ARIH1: variants seen among roughly 807,000 people sequenced by gnomAD.
ARIH1 encodes the protein ariadne RBR E3 ubiquitin protein ligase 1.
In ARIH1, 8 loss-of-function variants were observed where a neutral mutation model predicts 85.0. The observed-to-expected ratio is 0.09, with a 90% CI of 0.06 to 0.17. ARIH1 has a LOEUF of 0.17. Ranked by LOEUF, ARIH1 falls within the 10% of genes least tolerant of loss-of-function variation. The pLI is 1.00. For synonymous variants in ARIH1, 238 were observed against 253.6 expected (o/e 0.94, Z 0.59); for missense variants, 311 against 718.1 (o/e 0.43, Z 6.48).
At chr15:72,573,876 G>T (rs940921346) in intron 11 of ARIH1, among the ~76,000 whole-genome samples, 1 of 152,126 alleles carries the variant, frequency 6.6e-6, no homozygotes, top group African/African-American at 2.4e-5. Context: ...AATATCATGA[G>T]ATAACTTGTT....
chr15:72,520,155 AAGG>A (rs1330726234), intron 2 of ARIH1, among the ~76,000 whole-genome samples: 1 of 152,184 alleles, frequency 6.6e-6, no homozygotes, highest in African/African-American at 2.4e-5. Context: ...TTTAAATTAA[AAGG>A]AGGTTTCTGG....
intron 4 of ARIH1, 60 bp downstream of exon 4, chr15:72,555,423 G>A: frequency 8.9e-7 from 1 of 1,124,466 alleles, no homozygotes; most frequent in Non-Finnish European, 1.3e-6. Context: ...TAAGACCCTT[G>A]CACAAATTTG....
chr15:72,575,563 A>C (rs1206767485), intron 11 of ARIH1, among the ~76,000 whole-genome samples: 1 of 151,652 alleles, frequency 6.6e-6, no homozygotes, highest in Non-Finnish European at 1.5e-5. Flanking sequence ...AAAAAAAAAA[A>C]AAAAAAAAAA....
chr15:72,528,820 C>G (rs1250537855), intron 2 of ARIH1, among the ~76,000 whole-genome samples: 1 of 152,084 alleles, frequency 6.6e-6, no homozygotes, highest in Admixed American at 6.5e-5. Flanking sequence ...TCACTGTACT[C>G]TAGCCTGAGT....
In ARIH1 at chr15:72,544,973, C is replaced by T. The variant is rs145634735; in HGVS notation, c.588+9C>T. 73 of 1,561,376 alleles carry T rather than the reference C, an allele frequency of 4.7e-5. No individual in the cohort carries two copies. In the East Asian group the frequency reaches 1.4e-3, roughly 30 times the overall value. On this transcript the variant is annotated intron_variant, in intron 3 of 13. Coordinates refer to ENST00000379887, the MANE Select transcript of ARIH1 (RefSeq NM_005744.5). ...TGAACTACCCTAACTCGGTGAGTAT[C>T]TGGTAGTTTAAGGCTAGTGCTGACT... is the stretch of plus-strand genomic sequence containing the variant.
intron 2 of ARIH1, among the ~76,000 whole-genome samples, chr15:72,540,266 A>C (rs1406353548): frequency 6.6e-6 from 1 of 151,280 alleles, no homozygotes; most frequent in Non-Finnish European, 1.5e-5. Context: ...CTCAAAAAAA[A>C]AAAAAAAAAA....
intron 1 of ARIH1, among the ~76,000 whole-genome samples, chr15:72,504,739 A>G (rs1251667186): frequency 6.6e-6 from 1 of 152,216 alleles, no homozygotes; most frequent in Admixed American, 6.5e-5. Context: ...TTTGGGCCAC[A>G]GGTTTCAGGC....
intron 2 of ARIH1, among the ~76,000 whole-genome samples, chr15:72,525,920 C>G (rs1048416094): frequency 3.3e-5 from 5 of 151,936 alleles, no homozygotes; most frequent in African/African-American, 1.2e-4. Flanking sequence ...GGATTGCAAG[C>G]GTGAGCCACC....
At chr15:72,486,680 A>AT (rs2063838693) in intron 1 of ARIH1, among the ~76,000 whole-genome samples, 1 of 97,838 alleles carries the variant, frequency 1.0e-5, no homozygotes. Flanking sequence ...TTTTTTTTTC[A>AT]TTTTTAAAAA....
rs1203421380 is a variant in ARIH1 at position 72,602,407 on chromosome 15, T to C, written c.*19115T>C. On this transcript the variant is annotated 3_prime_UTR_variant, in exon 14 of 14. Transcript: ENST00000379887. The stretch of plus-strand genomic sequence containing the variant: ...TTTTCCTTGCACAGTTATATTTTCA[T>C]ATGTTAAAGAGCCATTTGTATTTCT... 1 of 152,242 alleles carries C rather than the reference T, an allele frequency of 6.6e-6. No individual in the cohort carries two copies. Among genetic ancestry groups the C allele is most frequent in the African/African-American group, 2.4e-5 (1 of 41,466 alleles). 9.4% of individuals were successfully genotyped at this position (152,242 alleles called of 1,614,324 possible). A position where few individuals can be genotyped will look rare whatever the true frequency, so the allele number is the denominator to read the frequency against.
At chr15:72,512,257 C>T (rs2083131) in intron 1 of ARIH1, among the ~76,000 whole-genome samples, 132,985 of 151,856 alleles carry the variant, frequency 0.88, 60,893 homozygotes, top group East Asian at 1. Flanking sequence ...TTTCCAGTGA[C>T]ACCATTTTTG....
chr15:72,505,068 G>A (rs371205385), intron 1 of ARIH1, among the ~76,000 whole-genome samples: 6 of 152,254 alleles, frequency 3.9e-5, no homozygotes, highest in South Asian at 4.1e-4. Flanking sequence ...GCTCTCAAGA[G>A]CATTACTTCC....
At chr15:72,537,141 A>C (rs1441815775) in intron 2 of ARIH1, among the ~76,000 whole-genome samples, 1 of 152,024 alleles carries the variant, frequency 6.6e-6, no homozygotes. Context: ...GAGGGCTAAA[A>C]GCTTTCCTTA....
At chr15:72,479,041 C>G (rs549960864) in intron 1 of ARIH1, among the ~76,000 whole-genome samples, 1 of 152,096 alleles carries the variant, frequency 6.6e-6, no homozygotes, top group South Asian at 2.1e-4. Flanking sequence ...GGGTCTTGCT[C>G]TGTTGCCCAG....
chr15:72,482,617 T>C (rs970749060), intron 1 of ARIH1, among the ~76,000 whole-genome samples: 4 of 152,182 alleles, frequency 2.6e-5, no homozygotes, highest in African/African-American at 9.7e-5. Context: ...GCAGAAGTCA[T>C]CACATTAGAT....
chr15:72,481,286 G>A (rs1033030994), intron 1 of ARIH1, among the ~76,000 whole-genome samples: 1 of 152,226 alleles, frequency 6.6e-6, no homozygotes, highest in African/African-American at 2.4e-5. Context: ...CTAGGTGATG[G>A]TGATGCAAGC....
At chr15:72,566,659 G>A in intron 8 of ARIH1, 54 bp downstream of exon 8, 5 of 1,468,432 alleles carry the variant, frequency 3.4e-6, no homozygotes, top group Non-Finnish European at 4.7e-6. Flanking sequence ...CTAAGACTTA[G>A]TGACTAAAAA....
chr15:72,490,222 A>C (rs908164048), intron 1 of ARIH1, among the ~76,000 whole-genome samples: 1 of 150,816 alleles, frequency 6.6e-6, no homozygotes, highest in Non-Finnish European at 1.5e-5. Flanking sequence ...TTTTCAGGGA[A>C]TGCTGAAATG....
At chr15:72,513,428 C>G (rs1035621783) in intron 1 of ARIH1, among the ~76,000 whole-genome samples, 1 of 151,936 alleles carries the variant, frequency 6.6e-6, no homozygotes, top group Non-Finnish European at 1.5e-5. Flanking sequence ...TTACAGTTGT[C>G]GTATGTGTTA....
Sources: gnomAD v4.1 joint callset for allele counts (sites outside exome capture counted in the v4.1 genomes callset) on GRCh38, gnomAD v4.1.1 for gene constraint, MANE v1.5 for transcripts, NCBI Gene and HGNC (gene_info 2026-07-23, HGNC 2026-07-21) for gene names.